The following PLEKHA5 variants were observed in gnomAD, a reference collection of about 807,000 sequenced individuals.
PLEKHA5 encodes the protein pleckstrin homology domain-containing family A member 5.
A neutral mutation model predicts 181.9 loss-of-function variants in PLEKHA5; 55 were observed. The observed-to-expected ratio is 0.30, with a 90% CI of 0.24 to 0.38. The LOEUF (loss-of-function observed/expected upper bound fraction) is 0.38. Among genes scored for constraint, PLEKHA5 ranks in the 10% least tolerant of loss-of-function variants. The pLI, the probability that PLEKHA5 is intolerant of heterozygous loss-of-function variation, is 1.00. For missense variants in PLEKHA5, 1,432 were observed against 1,549.5 expected (o/e 0.92, Z 1.27); for synonymous variants, 535 against 529.4 (o/e 1.01, Z -0.15).
intron 11 of PLEKHA5, among the ~76,000 whole-genome samples, chr12:19,278,558 T>A (rs2075227198): frequency 6.6e-6 from 1 of 152,086 alleles, no homozygotes; most frequent in Admixed American, 6.6e-5. Context: ...TGTGTCAGAG[T>A]AAATTGCTTT....
intron 24 of PLEKHA5, 33 bp from the exon 25 acceptor site, chr12:19,348,365 GT>G (rs761859453): frequency 6.5e-7 from 1 of 1,528,254 alleles, no homozygotes; most frequent in Non-Finnish European, 8.8e-7. Context: ...ACTTTTAGCA[GT>G]TTTTTAGGGT....
intron 3 of PLEKHA5, among the ~76,000 whole-genome samples, chr12:19,242,600 A>G (rs961272378): frequency 2.6e-5 from 4 of 152,202 alleles, no homozygotes; most frequent in Admixed American, 1.3e-4. Flanking sequence ...TAAGAAAGAT[A>G]ACTTAGAAAT....
At chr12:19,348,027 C>T (rs113904299) in intron 24 of PLEKHA5, among the ~76,000 whole-genome samples, 2,763 of 151,782 alleles carry the variant, frequency 0.018, 32 homozygotes, top group Non-Finnish European at 0.028. Flanking sequence ...GGATTATAGG[C>T]GCACACCACC....
chr12:19,291,733 TA>T, intron 15 of PLEKHA5, 36 bp downstream of exon 15: 1 of 1,081,788 alleles, frequency 9.2e-7, no homozygotes, highest in Non-Finnish European at 1.3e-6. Context: ...TTTTAATACT[TA>T]ATAGAACTTC....
intron 11 of PLEKHA5, among the ~76,000 whole-genome samples, chr12:19,281,882 C>T (rs1261813919): frequency 6.6e-6 from 1 of 151,844 alleles, no homozygotes; most frequent in Non-Finnish European, 1.5e-5. Flanking sequence ...CCTGGGGTCA[C>T]GCCATTCTCC....
At chr12:19,228,923 C>T (rs2152357254) in intron 3 of PLEKHA5, among the ~76,000 whole-genome samples, 1 of 152,156 alleles carries the variant, frequency 6.6e-6, no homozygotes, top group South Asian at 2.1e-4. Flanking sequence ...TAACACTAGA[C>T]AGCAGTATGT....
chr12:19,195,141 C>G (rs189503033), intron 3 of PLEKHA5, among the ~76,000 whole-genome samples: 124 of 152,096 alleles, frequency 8.2e-4, no homozygotes, highest in African/African-American at 2.9e-3. Flanking sequence ...GTTCAACTTG[C>G]GCAAAGTTAG....
At chr12:19,257,645 T>C (rs138743325) in intron 6 of PLEKHA5, 108 bp downstream of exon 6, 8,375 of 665,996 alleles carry the variant, frequency 0.013, 84 homozygotes, top group Non-Finnish European at 0.018. Context: ...GAAGGAACTA[T>C]GGAGAAGCCA....
At chr12:19,356,662 CTTTTTTTTTTTTT>C (rs57809332) in intron 26 of PLEKHA5, among the ~76,000 whole-genome samples, 1 of 99,820 alleles carries the variant, frequency 1.0e-5, no homozygotes, top group Non-Finnish European at 1.8e-5. Context: ...AGTTGTTTTT[CTTTTTTTTTTTTT>C]TTTTTTTTTG....
intron 15 of PLEKHA5, among the ~76,000 whole-genome samples, chr12:19,312,473 T>A (rs2086909000): frequency 6.6e-6 from 1 of 152,214 alleles, no homozygotes; most frequent in Admixed American, 6.5e-5. Flanking sequence ...TCTGAATAAC[T>A]TGCTGCAGCT....
intron 16 of PLEKHA5, among the ~76,000 whole-genome samples, chr12:19,315,177 A>C (rs2088108369): frequency 6.6e-6 from 1 of 152,238 alleles, no homozygotes; most frequent in African/African-American, 2.4e-5. Context: ...TCTGCAGTAC[A>C]TTTGCAAAAT....
chr12:19,193,885 A>G (rs768212423), intron 3 of PLEKHA5, among the ~76,000 whole-genome samples: 1 of 152,168 alleles, frequency 6.6e-6, no homozygotes, highest in Admixed American at 6.6e-5. Flanking sequence ...GGGAGCAGGC[A>G]TGTCACAGAG....
intron 3 of PLEKHA5, among the ~76,000 whole-genome samples, chr12:19,225,260 C>CCATT (rs1205266675): frequency 6.6e-5 from 10 of 152,130 alleles, no homozygotes; most frequent in Non-Finnish European, 1.3e-4. Context: ...AGATGATAAA[C>CCATT]CATTGCCTAC....
chr12:19,357,253 TC>T lies in PLEKHA5; in HGVS notation c.3139-974del, dbSNP rs549411051. Among the ~76,000 whole-genome samples the T allele has an allele frequency of 4.0e-5, 5 of 124,122 alleles. No individual in the cohort carries two copies. In the South Asian group the frequency reaches 8.7e-4, roughly 22 times the overall value. The allele number at this position is 124,122 out of a possible 152,430, so 81.4% of individuals were successfully genotyped here. ...TCCAGAGCTGCCATATTCTTTATAT[TC>T]TTTTTTTTTTTTTTTTTTTGAGACA... On this transcript the variant is annotated intron_variant, in intron 26 of 31. Transcript: ENST00000429027.
At chr12:19,276,140 G>C (rs1199864758) in intron 11 of PLEKHA5, among the ~76,000 whole-genome samples, 1 of 152,190 alleles carries the variant, frequency 6.6e-6, no homozygotes, top group Non-Finnish European at 1.5e-5. Flanking sequence ...AGGCTTGGTA[G>C]AGAACAGAAG....
chr12:19,233,315 A>G (rs1056640849), intron 3 of PLEKHA5, among the ~76,000 whole-genome samples: 1 of 152,132 alleles, frequency 6.6e-6, no homozygotes, highest in African/African-American at 2.4e-5. Context: ...TTCTCGTACT[A>G]GTATTTTTCT....
At chr12:19,314,368 C>A (rs2087731032) in intron 15 of PLEKHA5, among the ~76,000 whole-genome samples, 1 of 151,998 alleles carries the variant, frequency 6.6e-6, no homozygotes, top group African/African-American at 2.4e-5. Flanking sequence ...TATTTTAATA[C>A]TTGTAGAGAA....
intron 15 of PLEKHA5, among the ~76,000 whole-genome samples, chr12:19,305,574 A>T: frequency 7.5e-6 from 1 of 132,690 alleles, no homozygotes; most frequent in Non-Finnish European, 1.7e-5. Flanking sequence ...AAAAAAAAAA[A>T]GACCCAGCAC....
chr12:19,186,872 T>C (rs2049988743), intron 3 of PLEKHA5, among the ~76,000 whole-genome samples: 1 of 152,200 alleles, frequency 6.6e-6, no homozygotes, highest in African/African-American at 2.4e-5. Flanking sequence ...TCTAAATGCT[T>C]TGTTAAATCA....
Sources: gnomAD v4.1 joint callset for allele counts (sites outside exome capture counted in the v4.1 genomes callset) on GRCh38, gnomAD v4.1.1 for gene constraint, MANE v1.5 for transcripts, NCBI Gene and HGNC (gene_info 2026-07-23, HGNC 2026-07-21) for gene names.